EPHA5: variants seen among roughly 807,000 people sequenced by gnomAD.
EPHA5 encodes the protein ephrin type-A receptor 5.
Under a neutral mutation model 105.0 loss-of-function variants are expected in EPHA5, and 60 were observed. The observed-to-expected ratio is 0.57, with a 90% CI of 0.46 to 0.71. The LOEUF (loss-of-function observed/expected upper bound fraction) is 0.71, where lower values mean the gene tolerates loss of function less well. Ranked by LOEUF, EPHA5 falls within the 30% of genes least tolerant of loss-of-function variation. The pLI is 0.00. For missense variants in EPHA5, 1,218 were observed against 1,274.7 expected, an observed-to-expected ratio of 0.96 and a Z score of 0.68; for synonymous variants, 513 against 449.1, an observed-to-expected ratio of 1.14 and a Z score of -1.80.
intron 3 of EPHA5, among the ~76,000 whole-genome samples, chr4:65,596,311 G>T (rs1488334038): frequency 1.3e-5 from 2 of 152,032 alleles, no homozygotes; most frequent in East Asian, 3.9e-4. Context: ...CTGTGAAAAT[G>T]GGGAGTGGGG....
At chr4:65,574,496 A>C (rs1740597548) in intron 3 of EPHA5, among the ~76,000 whole-genome samples, 1 of 148,860 alleles carries the variant, frequency 6.7e-6, no homozygotes, top group Admixed American at 6.7e-5. Context: ...TGTAAATAAA[A>C]ATTTATTAAA....
chr4:65,395,229 CTCT>C (rs1242885631), intron 8 of EPHA5, among the ~76,000 whole-genome samples: 24 of 152,184 alleles, frequency 1.6e-4, no homozygotes, highest in Admixed American at 1.6e-3. Flanking sequence ...GTACTGTAAA[CTCT>C]TCTTCTATGC....
intron 5 of EPHA5, among the ~76,000 whole-genome samples, chr4:65,443,905 CTGTGTG>C (rs57129731): frequency 5.3e-5 from 8 of 149,940 alleles, no homozygotes; most frequent in Non-Finnish European, 5.9e-5. Context: ...GTTTGTGTGC[CTGTGTG>C]TGTGTGTGTG....
intron 12 of EPHA5, among the ~76,000 whole-genome samples, chr4:65,352,803 T>G (rs1325878450): frequency 6.6e-6 from 1 of 151,558 alleles, no homozygotes; most frequent in Non-Finnish European, 1.5e-5. Flanking sequence ...TTTTTCAAAT[T>G]AAGACATACT....
At chr4:65,561,657 T>A (rs1295419033) in intron 3 of EPHA5, among the ~76,000 whole-genome samples, 2 of 152,068 alleles carry the variant, frequency 1.3e-5, no homozygotes, top group Non-Finnish European at 2.9e-5. Context: ...ACACATTGTA[T>A]TGATTTAAAT....
At chr4:65,464,589 A>C (rs1271744408) in intron 5 of EPHA5, among the ~76,000 whole-genome samples, 2 of 152,146 alleles carry the variant, frequency 1.3e-5, no homozygotes, top group Admixed American at 1.3e-4. Flanking sequence ...CACATGATAA[A>C]GCACATTTAT....
intron 2 of EPHA5, among the ~76,000 whole-genome samples, chr4:65,614,544 C>A (rs1745055874): frequency 6.6e-6 from 1 of 151,730 alleles, no homozygotes; most frequent in South Asian, 2.1e-4. Context: ...CTATGTAAGT[C>A]CATCCTTTAG....
Position 65,551,778 on chromosome 4 carries a change from C to T in EPHA5, c.910+49863G>A, listed in dbSNP as rs192617883. Among the ~76,000 whole-genome samples the T allele has an allele frequency of 1.1e-3, 164 of 152,260 alleles. 1 individual carries two copies. Among genetic ancestry groups the T allele is most frequent in the South Asian group, 2.9e-3 (14 of 4,826 alleles). Reference sequence around the variant, plus strand: ...GTTACACCACTCAGTATTTATAACACATAAAGTTTATTAGACTGATTTTAA... The same window carrying T: ...GTTACACCACTCAGTATTTATAACATATAAAGTTTATTAGACTGATTTTAA... On this transcript the variant is annotated intron_variant, in intron 3 of 16. Coordinates refer to ENST00000613740, the MANE Select transcript of EPHA5 (RefSeq NM_001281766.3).
intron 2 of EPHA5, among the ~76,000 whole-genome samples, chr4:65,611,524 C>CAA (rs5858974): frequency 1.4e-3 from 166 of 117,848 alleles, no homozygotes; most frequent in African/African-American, 4.9e-3. Flanking sequence ...GTTGTTCTGG[C>CAA]AAAAAAAAAA....
chr4:65,559,378 A>G (rs1738780214), intron 3 of EPHA5, among the ~76,000 whole-genome samples: 1 of 152,200 alleles, frequency 6.6e-6, no homozygotes, highest in Admixed American at 6.6e-5. Flanking sequence ...TAAATTGTCA[A>G]TTCCAACAGC....
chr4:65,352,973 C>T (rs2148860004), intron 12 of EPHA5, 69 bp downstream of exon 12: 1 of 1,073,792 alleles, frequency 9.3e-7, no homozygotes, highest in Non-Finnish European at 1.3e-6. Flanking sequence ...ATCACAGCAT[C>T]ATCATCACAG....
chr4:65,666,132 C>T (rs1364817886), intron 1 of EPHA5, among the ~76,000 whole-genome samples: 1 of 151,928 alleles, frequency 6.6e-6, no homozygotes, highest in Non-Finnish European at 1.5e-5. Context: ...CCAAGGAAAA[C>T]ATTTACAAGT....
At chr4:65,556,141 C>T (rs144229150) in intron 3 of EPHA5, among the ~76,000 whole-genome samples, 5 of 152,252 alleles carry the variant, frequency 3.3e-5, no homozygotes, top group Non-Finnish European at 7.4e-5. Flanking sequence ...GGTATGGACA[C>T]ACATCTTTCT....
rs1721602141 is a variant in EPHA5 at position 65,399,495 on chromosome 4, T to C, written c.1793+4879A>G. On this transcript the variant is annotated intron_variant, in intron 8 of 16. Coordinates refer to ENST00000613740, the MANE Select transcript of EPHA5 (RefSeq NM_001281766.3). ...AAAGGTGCCCCTGGCCACAGAGGCT[T>C]CTGCCTGGAAAAGCAACACCCTAAG... Among the ~76,000 whole-genome samples, 3 of 152,208 alleles carry C rather than the reference T, an allele frequency of 2.0e-5. No individual in the cohort carries two copies. The South Asian group carries it at 6.2e-4, about 31-fold the overall frequency.
intron 5 of EPHA5, among the ~76,000 whole-genome samples, chr4:65,473,474 A>G (rs1465164379): frequency 2.6e-5 from 4 of 152,222 alleles, no homozygotes; most frequent in African/African-American, 9.6e-5. Flanking sequence ...GAAAGTTACA[A>G]TTTTGGCAGA....
At chr4:65,485,596 T>C (rs1208729001) in intron 5 of EPHA5, among the ~76,000 whole-genome samples, 1 of 152,208 alleles carries the variant, frequency 6.6e-6, no homozygotes, top group East Asian at 1.9e-4. Flanking sequence ...CTAAATACTA[T>C]GTATACATTT....
intron 3 of EPHA5, among the ~76,000 whole-genome samples, chr4:65,565,239 A>G (rs1446638230): frequency 6.6e-6 from 1 of 151,738 alleles, no homozygotes; most frequent in Non-Finnish European, 1.5e-5. Flanking sequence ...CTAATGGATC[A>G]GAGTTAATAG....
chr4:65,359,886 T>C (rs184248870), intron 11 of EPHA5, among the ~76,000 whole-genome samples: 3 of 151,770 alleles, frequency 2.0e-5, no homozygotes, highest in African/African-American at 7.2e-5. Context: ...GATTAAGAGA[T>C]GGTCTTTGCA....
Position 65,336,112 on chromosome 4 carries a change from A to G in EPHA5, c.2609T>C (p.Val870Ala). ...GCTTGGCAGACGATAGCCTTCCTCTACCGCTTTAATCACCTGTATAAAGCA... is the reference window on the plus strand; with the variant it reads ...GCTTGGCAGACGATAGCCTTCCTCTGCCGCTTTAATCACCTGTATAAAGCA... Reference protein sequence around the residue: ...EMTNQDVIKAVEEGYRLPSPM... With the variant: ...EMTNQDVIKAAEEGYRLPSPM... Residue 870 changes from valine to alanine, a missense_variant, in exon 15 of 17, where the codon GTA (valine) becomes GCA (alanine). Physicochemically the swap from Val to Ala is moderately conservative, Grantham distance 64. This residue lies in a region of EPHA5 where 971 missense variants were observed against 1,013.5 expected (regional missense o/e 0.96). Transcript: ENST00000613740. The G allele has an allele frequency of 6.2e-7, 1 of 1,610,758 alleles. No individual in the cohort carries two copies.
Sources: allele counts gnomAD v4.1 joint callset (sites outside exome capture counted in the v4.1 genomes callset), GRCh38; gene constraint gnomAD v4.1.1; regional missense constraint gnomAD v4.1.1; transcripts MANE v1.5; gene names NCBI Gene and HGNC (gene_info 2026-07-23, HGNC 2026-07-21).